Variants in SLC24A2 observed in about 807,000 individuals in gnomAD.
SLC24A2 encodes sodium/potassium/calcium exchanger 2.
In SLC24A2, 36 loss-of-function variants were observed where a neutral mutation model predicts 62.0. That is an observed-to-expected ratio of 0.58 (90% CI 0.44 to 0.77). SLC24A2 has a LOEUF of 0.77. Ranked by LOEUF, SLC24A2 falls within the 30% of genes least tolerant of loss-of-function variation. The probability of loss-of-function intolerance (pLI) is 0.00; values close to 1 mark genes in which losing one functional copy is unlikely to be tolerated. For synonymous variants in SLC24A2, 358 were observed against 294.0 expected (o/e 1.22, Z -2.23); for missense variants, 846 against 817.9 (o/e 1.03, Z -0.42).
chr9:20,113,041 G>T, the SLC24A2 span, among the ~76,000 whole-genome samples: 10 of 152,196 alleles, frequency 6.6e-5, no homozygotes, highest in South Asian at 1.0e-3. Flanking sequence ...AATGTGACAT[G>T]CCTGGCAGCC....
chr9:19,920,454 T>C, the SLC24A2 span, among the ~76,000 whole-genome samples: 3 of 152,168 alleles, frequency 2.0e-5, no homozygotes, highest in Non-Finnish European at 4.4e-5. Flanking sequence ...GGATTTGAGT[T>C]CAAGCAGTTT....
At chr9:19,641,413 T>C (rs1449954702) in intron 2 of SLC24A2, among the ~76,000 whole-genome samples, 1 of 152,260 alleles carries the variant, frequency 6.6e-6, no homozygotes, top group South Asian at 2.1e-4. Flanking sequence ...CAAAGTTCAC[T>C]TTCAAAGATG....
At chr9:19,823,716 C>T in the SLC24A2 span, among the ~76,000 whole-genome samples, 1 of 152,154 alleles carries the variant, frequency 6.6e-6, no homozygotes, top group Non-Finnish European at 1.5e-5. Context: ...ATAGCCAACA[C>T]AGTCCTAAGC....
At chr9:20,121,593 A>G in the SLC24A2 span, among the ~76,000 whole-genome samples, 1 of 152,192 alleles carries the variant, frequency 6.6e-6, no homozygotes, top group African/African-American at 2.4e-5. Context: ...AATGCTCTAG[A>G]GGATTTCTGA....
In SLC24A2 at chr9:19,788,904, G is replaced by A; in HGVS notation, c.-173C>T. 3.0e-6 allele frequency: 3 copies of A among 985,364 alleles called. 1 individual carries two copies. The highest frequency in any genetic ancestry group is 9.4e-5 in the South Asian group (2 of 21,286). The allele number at this position is 985,364 out of a possible 1,614,324, so 61.0% of individuals were successfully genotyped here. A position where few individuals can be genotyped will look rare whatever the true frequency, so the allele number is the denominator to read the frequency against. Reference sequence around the variant, plus strand: ...ACTTACCAGGATAAGATGGGAGGACGCGCACACGGCGGGGCCCCCGAGCGC... The same window carrying A: ...ACTTACCAGGATAAGATGGGAGGACACGCACACGGCGGGGCCCCCGAGCGC... On this transcript the variant is annotated 5_prime_UTR_variant, in exon 1 of 11. Coordinates refer to ENST00000341998, the MANE Select transcript of SLC24A2 (RefSeq NM_020344.4).
chr9:20,036,627 T>C, the SLC24A2 span, among the ~76,000 whole-genome samples: 3 of 152,182 alleles, frequency 2.0e-5, no homozygotes, highest in African/African-American at 4.8e-5. Context: ...TAGCAAAACA[T>C]CCTCCAGTTT....
rs561730102 is a variant in SLC24A2 at position 19,629,352 on chromosome 9, A to G, written c.931-7053T>C. ...GAACTGTTATGAGCTCTGACTTCCA[A>G]TGGAGGTGAGAAAATAGTGGCAAGT... is the stretch of plus-strand genomic sequence containing the variant. On this transcript the variant is annotated intron_variant, in intron 2 of 10. Coordinates refer to ENST00000341998, the MANE Select transcript of SLC24A2 (RefSeq NM_020344.4). Among the ~76,000 whole-genome samples, 5 of 152,186 alleles carry G rather than the reference A, an allele frequency of 3.3e-5. No homozygotes were observed. In the South Asian group the frequency reaches 6.2e-4, roughly 19 times the overall value.
intron 10 of SLC24A2, among the ~76,000 whole-genome samples, chr9:19,520,654 C>T (rs1422894085): frequency 2.0e-5 from 3 of 151,804 alleles, no homozygotes; most frequent in Non-Finnish European, 4.4e-5. Context: ...CTAAAATACC[C>T]ATTCTGTATG....
At chr9:19,961,087 AAG>A in the SLC24A2 span, among the ~76,000 whole-genome samples, 1 of 142,590 alleles carries the variant, frequency 7.0e-6, no homozygotes, top group African/African-American at 2.6e-5. Context: ...AGAAAGGAGA[AAG>A]AGAAGAAAGG....
chr9:19,647,048 CCACACACACA>C (rs1305580525), intron 2 of SLC24A2, among the ~76,000 whole-genome samples: 15 of 122,086 alleles, frequency 1.2e-4, no homozygotes, highest in Admixed American at 1.9e-4. Flanking sequence ...CTCTCTCTTT[CCACACACACA>C]CACACGCGCG....
chr9:19,602,560 G>A (rs1230204458), intron 4 of SLC24A2, among the ~76,000 whole-genome samples: 1 of 152,162 alleles, frequency 6.6e-6, no homozygotes, highest in Non-Finnish European at 1.5e-5. Context: ...TTTAAAGAAT[G>A]TACAACTCAG....
At chr9:19,917,679 C>G in the SLC24A2 span, among the ~76,000 whole-genome samples, 2 of 151,932 alleles carry the variant, frequency 1.3e-5, no homozygotes, top group Non-Finnish European at 2.9e-5. Context: ...AAAACGTATT[C>G]TAACAAATAC....
chr9:19,883,755 C>A, the SLC24A2 span, among the ~76,000 whole-genome samples: 1 of 151,968 alleles, frequency 6.6e-6, no homozygotes, highest in Admixed American at 6.6e-5. Context: ...TTAGTAGAGT[C>A]GGGGTTTCAC....
chr9:20,067,631 G>A, the SLC24A2 span, among the ~76,000 whole-genome samples: 1 of 152,028 alleles, frequency 6.6e-6, no homozygotes, highest in East Asian at 1.9e-4. Flanking sequence ...GTGAGAACAT[G>A]CAGTATTTTG....
the SLC24A2 span, among the ~76,000 whole-genome samples, chr9:20,010,164 T>C: frequency 2.6e-5 from 4 of 152,026 alleles, no homozygotes. Flanking sequence ...CCAGCCCAAC[T>C]TGAGAAACTG....
chr9:20,277,639 G>A, the SLC24A2 span, among the ~76,000 whole-genome samples: 1 of 152,156 alleles, frequency 6.6e-6, no homozygotes, highest in Non-Finnish European at 1.5e-5. Context: ...ACTATTGGTG[G>A]GACTGTGAAC....
At chr9:20,227,245 T>C in the SLC24A2 span, among the ~76,000 whole-genome samples, 1 of 152,280 alleles carries the variant, frequency 6.6e-6, no homozygotes, top group Non-Finnish European at 1.5e-5. Flanking sequence ...CAATGAAATA[T>C]TTTAACTATG....
chr9:20,166,737 A>G, the SLC24A2 span, among the ~76,000 whole-genome samples: 1 of 152,038 alleles, frequency 6.6e-6, no homozygotes, highest in Non-Finnish European at 1.5e-5. Context: ...ACTTTTATGT[A>G]TGGTTTTGAC....
At chr9:20,269,676 C>A in the SLC24A2 span, among the ~76,000 whole-genome samples, 1 of 152,190 alleles carries the variant, frequency 6.6e-6, no homozygotes, top group Non-Finnish European at 1.5e-5. Flanking sequence ...CCGACCCTCA[C>A]CAAGATTTTT....
Sources: allele counts gnomAD v4.1 joint callset (sites outside exome capture counted in the v4.1 genomes callset), GRCh38; gene constraint gnomAD v4.1.1; transcripts MANE v1.5; gene names NCBI Gene and HGNC (gene_info 2026-07-23, HGNC 2026-07-21).